DHRSX: variants seen among roughly 807,000 people sequenced by gnomAD.
The protein encoded by DHRSX is polyprenol dehydrogenase.
A neutral mutation model predicts 34.0 loss-of-function variants in DHRSX; 31 were observed. The ratio of observed to expected loss-of-function variants is 0.91; its 90% CI spans 0.69 to 1.23. The LOEUF is 1.23. Among genes scored for constraint, DHRSX ranks in the 50% most tolerant of loss-of-function variants. DHRSX has a pLI of 0.00. For missense variants in DHRSX, 414 were observed against 428.1 expected, an observed-to-expected ratio of 0.97 and a Z score of 0.29; for synonymous variants, 201 against 183.8, an observed-to-expected ratio of 1.09 and a Z score of -0.76.
intron 1 of DHRSX, among the ~76,000 whole-genome samples, chrX:2,480,582 C>T (rs747161457): frequency 1.1e-4 from 17 of 151,802 alleles, no homozygotes; most frequent in African/African-American, 4.1e-4. Flanking sequence ...ACTTGGGAGG[C>T]TGAGGCAGGA....
At chrX:2,444,928 G>A (rs373746156) in intron 1 of DHRSX, among the ~76,000 whole-genome samples, 4 of 152,100 alleles carry the variant, frequency 2.6e-5, no homozygotes, top group Non-Finnish European at 4.4e-5. Context: ...AGGCCGAGGC[G>A]GGCAGATCAC....
intron 3 of DHRSX, among the ~76,000 whole-genome samples, chrX:2,371,438 CT>C (rs2043065077): frequency 6.6e-6 from 1 of 150,690 alleles, no homozygotes; most frequent in Non-Finnish European, 1.5e-5. Flanking sequence ...ACCACAGACC[CT>C]CCTTTCGTTA....
chrX:2,270,506 A>G (rs767831771), intron 4 of DHRSX, among the ~76,000 whole-genome samples: 4 of 152,342 alleles, frequency 2.6e-5, no homozygotes, highest in African/African-American at 7.2e-5. Flanking sequence ...GTGGATGCAC[A>G]GGCCGCACTG....
intron 1 of DHRSX, among the ~76,000 whole-genome samples, chrX:2,464,647 G>T (rs930816271): frequency 3.9e-5 from 6 of 151,972 alleles, no homozygotes; most frequent in Non-Finnish European, 8.8e-5. Context: ...GTGGCTAAGG[G>T]AAGGCAGCCA....
chrX:2,242,402 C>T (rs779027978), intron 6 of DHRSX, among the ~76,000 whole-genome samples: 69 of 152,156 alleles, frequency 4.5e-4, no homozygotes, highest in African/African-American at 1.6e-3. Context: ...CCCCCAACAC[C>T]GCACACGCAG....
chrX:2,259,397 T>A (rs1210219455), intron 5 of DHRSX, among the ~76,000 whole-genome samples: 1 of 85,478 alleles, frequency 1.2e-5, no homozygotes, highest in Non-Finnish European at 2.3e-5. Flanking sequence ...GATATATAGA[T>A]ATATATATAG....
At chrX:2,490,527 A>G (rs781080319) in intron 1 of DHRSX, 1 of 1,613,972 alleles carries the variant, frequency 6.2e-7, no homozygotes, top group Non-Finnish European at 8.5e-7. Flanking sequence ...TCCAGGTGGT[A>G]GGACAGGTTG....
intron 1 of DHRSX, among the ~76,000 whole-genome samples, chrX:2,475,472 C>A (rs1300906320): frequency 6.6e-6 from 1 of 151,684 alleles, no homozygotes; most frequent in Non-Finnish European, 1.5e-5. Flanking sequence ...CCTGTGCACA[C>A]TGAAGATGTT....
rs149468501 is a variant in DHRSX at position 2,474,232 on chromosome X, G to A, written c.109+26585C>T. On this transcript the variant is annotated intron_variant, in intron 1 of 6. Coordinates refer to ENST00000334651, the MANE Select transcript of DHRSX (RefSeq NM_145177.3). ...AATGTGGACAAGGGACTGCCACTCCGTATGCACTGAAGAGGTTCCCAAAGC... is the reference window on the plus strand; with the variant it reads ...AATGTGGACAAGGGACTGCCACTCCATATGCACTGAAGAGGTTCCCAAAGC... Among the ~76,000 whole-genome samples the A allele has an allele frequency of 7.3e-3, 1,106 of 152,136 alleles. 13 individuals are homozygous for A. Among genetic ancestry groups the A allele is most frequent in the Admixed American group, 0.038 (587 of 15,290 alleles).
intron 1 of DHRSX, among the ~76,000 whole-genome samples, chrX:2,437,989 G>A (rs1404095010): frequency 7.0e-6 from 1 of 141,956 alleles, no homozygotes; most frequent in Non-Finnish European, 1.5e-5. Context: ...GAGCCTGTGT[G>A]CTATTGGATA....
chrX:2,498,364 G>A (rs1257747927), intron 1 of DHRSX, among the ~76,000 whole-genome samples: 1 of 152,172 alleles, frequency 6.6e-6, no homozygotes, highest in Admixed American at 6.5e-5. Context: ...GCCTACCAGA[G>A]AGAAGCAAAT....
At chrX:2,331,464 T>TTTTTTTTTTG (rs2042476129) in intron 3 of DHRSX, among the ~76,000 whole-genome samples, 1 of 130,666 alleles carries the variant, frequency 7.7e-6, no homozygotes. Flanking sequence ...TTTTTTTTTT[T>TTTTTTTTTTG]GAGACGGAGT....
chrX:2,452,232 T>C (rs7879749), intron 1 of DHRSX, among the ~76,000 whole-genome samples: 70,035 of 149,532 alleles, frequency 0.47, 19,226 homozygotes, highest in African/African-American at 0.76. Context: ...GCCAAGGGAC[T>C]GCTGCCATGT....
intron 4 of DHRSX, among the ~76,000 whole-genome samples, chrX:2,272,425 C>T (rs1035019950): frequency 1.3e-5 from 2 of 152,156 alleles, no homozygotes; most frequent in South Asian, 2.1e-4. Flanking sequence ...TTTTGACACT[C>T]GTCTCCTTGG....
chrX:2,239,466 T>C (rs1196515754), intron 6 of DHRSX, among the ~76,000 whole-genome samples: 1 of 149,502 alleles, frequency 6.7e-6, no homozygotes, highest in Non-Finnish European at 1.5e-5. Flanking sequence ...CTCTAAAAAA[T>C]TTAAAAGAGG....
chrX:2,485,240 GA>G (rs1409981207), intron 1 of DHRSX, among the ~76,000 whole-genome samples: 1 of 152,100 alleles, frequency 6.6e-6, no homozygotes, highest in Non-Finnish European at 1.5e-5. Context: ...CTCCTAATGG[GA>G]AAAACGTGTA....
chrX:2,229,981 G>A (rs2015834277), intron 6 of DHRSX, among the ~76,000 whole-genome samples: 1 of 152,200 alleles, frequency 6.6e-6, no homozygotes, highest in South Asian at 2.1e-4. Context: ...TTGCATAAAT[G>A]TGTGCATGTG....
At chrX:2,237,740 C>A (rs1222236222) in intron 6 of DHRSX, among the ~76,000 whole-genome samples, 2 of 152,026 alleles carry the variant, frequency 1.3e-5, no homozygotes, top group African/African-American at 4.8e-5. Flanking sequence ...CCTAACCTCA[C>A]ATGATCCTCC....
At chrX:2,418,755 C>A (rs1389585721) in intron 2 of DHRSX, among the ~76,000 whole-genome samples, 1 of 152,190 alleles carries the variant, frequency 6.6e-6, no homozygotes, top group African/African-American at 2.4e-5. Context: ...AAATCAGCAT[C>A]ATTTTGACCC....
Sources: gnomAD v4.1 joint callset for allele counts (sites outside exome capture counted in the v4.1 genomes callset) on GRCh38, gnomAD v4.1.1 for gene constraint, MANE v1.5 for transcripts, NCBI Gene and HGNC (gene_info 2026-07-23, HGNC 2026-07-21) for gene names.